Variants in SPMIP8 observed in about 807,000 individuals in gnomAD.
SPMIP8 encodes sperm microtubule inner protein 8.
At chr16:57,984,401 G>T in the SPMIP8 span, 3 of 1,612,676 alleles carry the variant, frequency 1.9e-6, no homozygotes, top group African/African-American at 2.7e-5. Flanking sequence ...GTTTGCTAAG[G>T]GGCACCAGCC....
chr16:57,985,144 G>A, the SPMIP8 span: 2 of 1,375,886 alleles, frequency 1.5e-6, no homozygotes, highest in South Asian at 1.5e-5. Context: ...GCTTAGATGA[G>A]GAGGCGGGGC....
chr16:57,976,780 C>G, the SPMIP8 span: 1 of 929,006 alleles, frequency 1.1e-6, no homozygotes, highest in Non-Finnish European at 1.6e-6. Flanking sequence ...ATCTAAGGTC[C>G]TCTCTCCTCC....
chr16:57,986,267 A>C, the SPMIP8 span: 2 of 287,262 alleles, frequency 7.0e-6, no homozygotes, highest in Non-Finnish European at 1.3e-5. Context: ...AGAGCCGAGA[A>C]TCTGCCTTTT....
chr16:57,983,197 A>G, the SPMIP8 span, among the ~76,000 whole-genome samples: 1 of 152,086 alleles, frequency 6.6e-6, no homozygotes, highest in Non-Finnish European at 1.5e-5. Flanking sequence ...GCTCACTTGC[A>G]GCCTTAAACT....
At chr16:57,985,942 G>A in the SPMIP8 span, 1 of 1,612,526 alleles carries the variant, frequency 6.2e-7, no homozygotes, top group South Asian at 1.1e-5. Flanking sequence ...CCAGCTACAG[G>A]TAGGGGAACG....
At chr16:57,981,335 G>A in the SPMIP8 span, among the ~76,000 whole-genome samples, 48 of 146,456 alleles carry the variant, frequency 3.3e-4, no homozygotes, top group African/African-American at 8.3e-4. Flanking sequence ...AGCCGAGATC[G>A]CGCCATTGCA....
the SPMIP8 span, among the ~76,000 whole-genome samples, chr16:57,981,392 A>ATTATT: frequency 6.2e-4 from 52 of 83,578 alleles, 1 homozygote; most frequent in Non-Finnish European, 1.1e-3. Flanking sequence ...TAATAATAAT[A>ATTATT]ATTATTATTA....
chr16:57,987,415 C>T, the SPMIP8 span: 7 of 1,597,700 alleles, frequency 4.4e-6, no homozygotes, highest in Admixed American at 1.7e-5. Context: ...CTACCTGACC[C>T]CCTGGCATTA....
At chr16:57,978,092 A>G in the SPMIP8 span, 1 of 1,550,330 alleles carries the variant, frequency 6.5e-7, no homozygotes, top group Non-Finnish European at 8.8e-7. Context: ...TGGTTTCAGG[A>G]AAGAGGGAGA....
the SPMIP8 span, among the ~76,000 whole-genome samples, chr16:57,983,438 A>C: frequency 6.6e-6 from 1 of 151,960 alleles, no homozygotes; most frequent in Admixed American, 6.6e-5. Flanking sequence ...TAACTTATCA[A>C]TCTTTTCTTT....
At chr16:57,983,956 G>A in the SPMIP8 span, among the ~76,000 whole-genome samples, 1 of 151,654 alleles carries the variant, frequency 6.6e-6, no homozygotes, top group African/African-American at 2.4e-5. Flanking sequence ...TGTCACCCAG[G>A]TGGAAGTGCA....
the SPMIP8 span, among the ~76,000 whole-genome samples, chr16:57,981,493 CTCTT>C: frequency 7.7e-6 from 1 of 129,486 alleles, no homozygotes; most frequent in Admixed American, 8.9e-5. Flanking sequence ...CTCTCTCTCT[CTCTT>C]TCTCTTTTTT....
At chr16:57,984,155 C>T in the SPMIP8 span, 6 of 715,700 alleles carry the variant, frequency 8.4e-6, no homozygotes, top group African/African-American at 5.2e-5. Context: ...CCACCCGCCT[C>T]GGCCTCCTGA....
chr16:57,980,894 G>A, the SPMIP8 span, among the ~76,000 whole-genome samples: 8 of 152,222 alleles, frequency 5.3e-5, no homozygotes, highest in Non-Finnish European at 7.4e-5. Context: ...TGTTTGTTTT[G>A]TGTGGAGACA....
At chr16:57,976,822 C>A in the SPMIP8 span, among the ~76,000 whole-genome samples, 1 of 152,294 alleles carries the variant, frequency 6.6e-6, no homozygotes, top group East Asian at 1.9e-4. Flanking sequence ...CACCTCTCAC[C>A]TCTAACTCAG....
At chr16:57,978,027 T>C in the SPMIP8 span, 3 of 1,613,730 alleles carry the variant, frequency 1.9e-6, no homozygotes, top group Non-Finnish European at 2.5e-6. Flanking sequence ...GTCCACCACC[T>C]ACTGCCGCAA....
chr16:57,982,174 C>T, the SPMIP8 span, among the ~76,000 whole-genome samples: 2 of 152,324 alleles, frequency 1.3e-5, no homozygotes, highest in South Asian at 2.1e-4. Flanking sequence ...ACAAAAACAT[C>T]CTTCTACATG....
the SPMIP8 span, among the ~76,000 whole-genome samples, chr16:57,981,389 A>AATTATTATTATTATTATT: frequency 5.5e-3 from 730 of 132,904 alleles, 6 homozygotes; most frequent in African/African-American, 0.014. Flanking sequence ...CAATAATAAT[A>AATTATTATTATTATTATT]ATAATTATTA....
At chr16:57,981,991 G>A in the SPMIP8 span, among the ~76,000 whole-genome samples, 4 of 152,150 alleles carry the variant, frequency 2.6e-5, no homozygotes, top group African/African-American at 9.7e-5. Context: ...GGAGACCTCA[G>A]GATTTTATTT....
Sources: gnomAD v4.1 joint callset for allele counts (sites outside exome capture counted in the v4.1 genomes callset) on GRCh38, gnomAD v4.1.1 for gene constraint, MANE v1.5 for transcripts, NCBI Gene and HGNC (gene_info 2026-07-23, HGNC 2026-07-21) for gene names.